The following INPP4A variants were observed in gnomAD, a reference collection of about 807,000 sequenced individuals.
INPP4A encodes inositol polyphosphate-4-phosphatase type I A, also known as inositol polyphosphate-4-phosphatase, type I, 107kD.
Under a neutral mutation model 119.8 loss-of-function variants are expected in INPP4A, and 33 were observed. That is an observed-to-expected ratio of 0.28 (90% CI 0.21 to 0.37). The LOEUF (loss-of-function observed/expected upper bound fraction) is 0.37. Ranked by LOEUF, INPP4A falls within the 10% of genes least tolerant of loss-of-function variation. The probability of loss-of-function intolerance (pLI) is 1.00; values close to 1 mark genes in which losing one functional copy is unlikely to be tolerated. For missense variants in INPP4A, 956 were observed against 1,289.9 expected, an observed-to-expected ratio of 0.74 and a Z score of 3.97; for synonymous variants, 496 against 500.7, an observed-to-expected ratio of 0.99 and a Z score of 0.12.
intron 1 of INPP4A, among the ~76,000 whole-genome samples, chr2:98,506,224 T>C (rs1007692633): frequency 6.6e-6 from 1 of 152,248 alleles, no homozygotes; most frequent in Non-Finnish European, 1.5e-5. Context: ...CTGAAAAAGA[T>C]GATGCCTTTT....
In INPP4A at chr2:98,581,839, A is replaced by G. The variant is rs556185996; in HGVS notation, c.2786+4696A>G. 42 of 1,501,622 alleles carry G rather than the reference A, an allele frequency of 2.8e-5. 2 individuals carry two copies. The South Asian group carries it at 4.9e-4, about 17-fold the overall frequency. The allele number at this position is 1,501,622 out of a possible 1,614,324, so 93.0% of individuals were successfully genotyped here. The stretch of plus-strand genomic sequence containing the variant: ...AGCCACCGTGTACCTAACTGGACAG[A>G]AGGAATGTGTCAAACCGTGGTCTGC... On this transcript the variant is annotated intron_variant, in intron 24 of 24. Coordinates refer to ENST00000409851, the MANE Select transcript of INPP4A (RefSeq NM_001134225.2).
chr2:98,502,585 C>T (rs1683322213), intron 1 of INPP4A, among the ~76,000 whole-genome samples: 1 of 152,080 alleles, frequency 6.6e-6, no homozygotes, highest in Non-Finnish European at 1.5e-5. Flanking sequence ...CCTCTCATAA[C>T]TCAGATGTAA....
At chr2:98,577,184 C>T (rs369815206) in intron 24 of INPP4A, 41 bp downstream of exon 24, 2 of 1,531,410 alleles carry the variant, frequency 1.3e-6, no homozygotes, top group African/African-American at 1.4e-5. Context: ...CCTGCCCCGG[C>T]CCGTGTAAAC....
At chr2:98,579,015 AT>A (rs1276020852) in intron 24 of INPP4A, among the ~76,000 whole-genome samples, 9 of 151,830 alleles carry the variant, frequency 5.9e-5, no homozygotes, top group African/African-American at 2.2e-4. Context: ...TCTTGTGAGC[AT>A]TTTTTAGGTT....
At chr2:98,563,353 TGGG>T in intron 17 of INPP4A, 109 bp from the exon 18 acceptor site, 1 of 951,994 alleles carries the variant, frequency 1.1e-6, no homozygotes, top group Non-Finnish European at 1.6e-6. Context: ...GAGGTGGAGA[TGGG>T]GGAGTGGGAG....
chr2:98,486,752 A>G (rs1057496808), intron 1 of INPP4A, among the ~76,000 whole-genome samples: 15 of 152,258 alleles, frequency 9.9e-5, no homozygotes, highest in African/African-American at 3.6e-4. Flanking sequence ...TGGGTGTCTG[A>G]TGGTACTCCT....
intron 1 of INPP4A, among the ~76,000 whole-genome samples, chr2:98,469,013 G>T (rs1675401257): frequency 6.6e-6 from 1 of 152,158 alleles, no homozygotes; most frequent in Admixed American, 6.5e-5. Context: ...GAATAGTGTT[G>T]CAATTTTCCC....
intron 1 of INPP4A, among the ~76,000 whole-genome samples, chr2:98,515,058 C>T (rs1685850052): frequency 6.6e-6 from 1 of 152,228 alleles, no homozygotes; most frequent in Non-Finnish European, 1.5e-5. Context: ...TTCCCACATG[C>T]CTTGCTCTGT....
intron 1 of INPP4A, among the ~76,000 whole-genome samples, chr2:98,495,581 A>G (rs1681759385): frequency 6.6e-6 from 1 of 152,236 alleles, no homozygotes; most frequent in Admixed American, 6.5e-5. Context: ...CAATCAGTAC[A>G]TGTAAGATGT....
At chr2:98,542,821 C>G (rs947640144) in intron 10 of INPP4A, among the ~76,000 whole-genome samples, 2 of 152,012 alleles carry the variant, frequency 1.3e-5, no homozygotes, top group African/African-American at 2.4e-5. Flanking sequence ...CCCCCTTCCC[C>G]CTTCTGTTAC....
At chr2:98,465,764 G>A (rs769787701) in intron 1 of INPP4A, among the ~76,000 whole-genome samples, 3 of 152,098 alleles carry the variant, frequency 2.0e-5, no homozygotes, top group Non-Finnish European at 4.4e-5. Flanking sequence ...TGTTACATGG[G>A]TTTGAAAAAA....
chr2:98,465,055 GTGC>G (rs1300120767), intron 1 of INPP4A, among the ~76,000 whole-genome samples: 3 of 152,208 alleles, frequency 2.0e-5, no homozygotes, highest in African/African-American at 7.2e-5. Context: ...GCCAGATAGC[GTGC>G]TGATTGCTTT....
At chr2:98,549,442 C>T (rs186603097) in intron 13 of INPP4A, among the ~76,000 whole-genome samples, 1 of 152,188 alleles carries the variant, frequency 6.6e-6, no homozygotes, top group Non-Finnish European at 1.5e-5. Flanking sequence ...AACACTGTTA[C>T]CAAGGTCAGT....
chr2:98,518,777 G>A (rs1035538862), intron 1 of INPP4A, among the ~76,000 whole-genome samples, 187 bp from the exon 2 acceptor site: 8 of 152,200 alleles, frequency 5.3e-5, no homozygotes, highest in Admixed American at 1.3e-4. Flanking sequence ...AGAGGAATAT[G>A]TGCTTTCTCT....
intron 9 of INPP4A, 148 bp downstream of exon 9, chr2:98,539,129 C>T: frequency 1.8e-6 from 1 of 557,686 alleles, no homozygotes; most frequent in Non-Finnish European, 3.2e-6. Context: ...GTTCTTTTTG[C>T]AGCATATAAA....
At position 98,503,929 on chromosome 2, in the gene INPP4A, C is replaced by T. The variant is rs561305067; in HGVS notation, c.-165-15035C>T. 2.7e-4 allele frequency among the ~76,000 whole-genome samples: 41 copies of T among 152,360 alleles called. 2 individuals are homozygous for T. In the South Asian group the frequency reaches 8.5e-3, roughly 32 times the overall value. Reference sequence around the variant, plus strand: ...TGAAGGTGCTGCGTGTCAGTTGGCACTTGTCCCTACATGGTTGAACTTACT... The same window carrying T: ...TGAAGGTGCTGCGTGTCAGTTGGCATTTGTCCCTACATGGTTGAACTTACT... On this transcript the variant is annotated intron_variant, in intron 1 of 24. Coordinates refer to ENST00000409851, the MANE Select transcript of INPP4A (RefSeq NM_001134225.2).
At chr2:98,551,999 G>C (rs1025838904) in intron 13 of INPP4A, among the ~76,000 whole-genome samples, 11 of 152,182 alleles carry the variant, frequency 7.2e-5, no homozygotes, top group African/African-American at 2.7e-4. Context: ...AGAGCCTCCT[G>C]ATTGTGCTGG....
At chr2:98,483,787 GACCCTCTT>G (rs1244746618) in intron 1 of INPP4A, among the ~76,000 whole-genome samples, 24 of 152,116 alleles carry the variant, frequency 1.6e-4, no homozygotes, top group Non-Finnish European at 3.4e-4. Flanking sequence ...TTGAGAGGGA[GACCCTCTT>G]CTGTGTGGCT....
chr2:98,506,916 G>A (rs1226593303), intron 1 of INPP4A, among the ~76,000 whole-genome samples: 2 of 152,214 alleles, frequency 1.3e-5, no homozygotes. Flanking sequence ...CTAAAGCTGC[G>A]TTTGTTTCCT....
Sources: allele counts gnomAD v4.1 joint callset (sites outside exome capture counted in the v4.1 genomes callset), GRCh38; gene constraint gnomAD v4.1.1; transcripts MANE v1.5; gene names NCBI Gene and HGNC (gene_info 2026-07-23, HGNC 2026-07-21).